The following KYAT3 variants were observed in gnomAD, a reference collection of about 807,000 sequenced individuals.
KYAT3 encodes kynurenine--oxoglutarate transaminase 3.
KYAT3 carries 50 observed loss-of-function variants against 59.0 expected under a neutral mutation model. The ratio of observed to expected loss-of-function variants is 0.85; its 90% CI spans 0.68 to 1.07. The LOEUF (loss-of-function observed/expected upper bound fraction) is 1.07, where lower values mean the gene tolerates loss of function less well. Ranked by LOEUF, KYAT3 falls within the 50% of genes least tolerant of loss-of-function variation. KYAT3 has a pLI of 0.00. For missense variants in KYAT3, 497 were observed against 533.3 expected, an observed-to-expected ratio of 0.93 and a Z score of 0.67; for synonymous variants, 148 against 177.0, an observed-to-expected ratio of 0.84 and a Z score of 1.30.
At chr1:88,992,425 G>A (rs944711905) in intron 1 of KYAT3, among the ~76,000 whole-genome samples, 160 bp downstream of exon 1, 1 of 152,230 alleles carries the variant, frequency 6.6e-6, no homozygotes, top group Non-Finnish European at 1.5e-5. Context: ...CCCTCAAACT[G>A]CTAATCTAGG....
chr1:88,921,383 T>G, the KYAT3 span, among the ~76,000 whole-genome samples: 2 of 152,248 alleles, frequency 1.3e-5, no homozygotes, highest in African/African-American at 4.8e-5. Flanking sequence ...TACTTTGGTT[T>G]TTTTAGCCTT....
intron 2 of KYAT3, among the ~76,000 whole-genome samples, chr1:88,978,814 AT>A (rs34692926): frequency 0.47 from 67,976 of 146,086 alleles, 16,537 homozygotes; most frequent in South Asian, 0.69. Context: ...CCCGGCCTTA[AT>A]TTTTTTTTTT....
chr1:88,943,032 C>T lies in KYAT3; in HGVS notation c.1275G>A (p.Glu425=), dbSNP rs1167304122. ...TAATGAAGCAAAAACGCACAAACTT[C>T]TCAAACTGTGATTTAGTCTCTGAGT... ...FCNSETKSQF[E]KFVRFCFIKK... Residue 425 remains glutamate (E), a synonymous_variant, in exon 13 of 14, where the codon GAG becomes GAA. Coordinates refer to ENST00000260508, the MANE Select transcript of KYAT3 (RefSeq NM_001008661.3). 2.1e-5 allele frequency: 34 copies of T among 1,613,190 alleles called. No individual in the cohort carries two copies. Among genetic ancestry groups the T allele is most frequent in the Non-Finnish European group, 2.9e-5 (34 of 1,179,654 alleles).
intron 1 of KYAT3, among the ~76,000 whole-genome samples, chr1:88,990,693 A>AT (rs1381021429): frequency 6.6e-6 from 1 of 152,150 alleles, no homozygotes; most frequent in Non-Finnish European, 1.5e-5. Flanking sequence ...AGGTAATCTC[A>AT]TTGTGTAAGG....
At chr1:88,973,041 A>G (rs1367013497) in intron 2 of KYAT3, among the ~76,000 whole-genome samples, 1 of 152,218 alleles carries the variant, frequency 6.6e-6, no homozygotes, top group African/African-American at 2.4e-5. Context: ...GTGAACCCTA[A>G]TCCAATATGA....
chr1:88,952,824 T>G lies in KYAT3; in HGVS notation c.954+239A>C, dbSNP rs1675737050. Among the ~76,000 whole-genome samples, 3 of 152,198 alleles carry G rather than the reference T, an allele frequency of 2.0e-5. 1 individual carries two copies. In the South Asian group the frequency reaches 6.2e-4, roughly 31 times the overall value. On this transcript the variant is annotated intron_variant, in intron 10 of 13. Coordinates refer to ENST00000260508, the MANE Select transcript of KYAT3 (RefSeq NM_001008661.3). ...GGTGTTGCCATTGTCCTTCACAGAA[T>G]TTGTAGCACTTTAGATTCCTGCCAG... is the stretch of plus-strand genomic sequence containing the variant.
chr1:88,955,050 GCCA>G (rs1675850811), intron 9 of KYAT3, 96 bp downstream of exon 9: 1 of 779,108 alleles, frequency 1.3e-6, no homozygotes, highest in Non-Finnish European at 2.2e-6. Flanking sequence ...ACAGGCATGA[GCCA>G]CCATGCCTGG....
chr1:88,933,008 T>C (rs139713830), downstream of KYAT3, among the ~76,000 whole-genome samples: 2 of 152,264 alleles, frequency 1.3e-5, no homozygotes, highest in East Asian at 3.9e-4. Flanking sequence ...TTGCACTGTC[T>C]ATTCCTTCTG....
intron 10 of KYAT3, among the ~76,000 whole-genome samples, chr1:88,950,395 T>A (rs1227237278): frequency 1.3e-5 from 2 of 152,222 alleles, no homozygotes; most frequent in African/African-American, 4.8e-5. Context: ...AATCTGTGGT[T>A]TCCTGGAACC....
At position 88,975,342 on chromosome 1, in the gene KYAT3, T is replaced by A. The variant is rs377725233; in HGVS notation, c.100-5875A>T. 6.5e-3 allele frequency among the ~76,000 whole-genome samples: 989 copies of A among 152,252 alleles called. 6 individuals carry two copies. The highest frequency in any genetic ancestry group is 0.01 in the Middle Eastern group (3 of 294). On this transcript the variant is annotated intron_variant, in intron 2 of 13. Coordinates refer to ENST00000260508, the MANE Select transcript of KYAT3 (RefSeq NM_001008661.3). ...AATTTTTTGTATTTTTAGGAGAGAC[T>A]GGGTTTCACCACGTTAGCCAGGATG... is the stretch of plus-strand genomic sequence containing the variant.
the KYAT3 span, among the ~76,000 whole-genome samples, chr1:88,929,178 T>G: frequency 6.6e-6 from 1 of 151,992 alleles, no homozygotes; most frequent in Non-Finnish European, 1.5e-5. Flanking sequence ...TCCAAAAGAT[T>G]GTTAAAGACC....
chr1:88,971,445 C>G (rs1676553170), intron 2 of KYAT3, among the ~76,000 whole-genome samples: 1 of 152,036 alleles, frequency 6.6e-6, no homozygotes, highest in Non-Finnish European at 1.5e-5. Flanking sequence ...AATGCTCTTT[C>G]TATACCAATG....
chr1:88,935,860 A>G lies in KYAT3; in HGVS notation c.*323T>C. ...AATTCTCAGAAACGACCTTCATATG[A>G]AACAGGTACTGATTTTATTCCTATT... On this transcript the variant is annotated 3_prime_UTR_variant, in exon 14 of 14. Coordinates refer to ENST00000260508, the MANE Select transcript of KYAT3 (RefSeq NM_001008661.3). 1 of 410,528 alleles carries G rather than the reference A, an allele frequency of 2.4e-6. No homozygotes were observed. Among genetic ancestry groups the G allele is most frequent in the Admixed American group, 4.0e-5 (1 of 24,746 alleles). The allele number at this position is 410,528 out of a possible 1,614,324, so 25.4% of individuals were successfully genotyped here.
At chr1:88,927,129 A>G in the KYAT3 span, among the ~76,000 whole-genome samples, 1 of 152,148 alleles carries the variant, frequency 6.6e-6, no homozygotes, top group African/African-American at 2.4e-5. Context: ...AAACATTAGG[A>G]CCATAGAGGA....
chr1:88,940,271 C>T (rs1675187237), intron 13 of KYAT3, among the ~76,000 whole-genome samples: 1 of 151,994 alleles, frequency 6.6e-6, no homozygotes, highest in Non-Finnish European at 1.5e-5. Context: ...GGGGTTTCAC[C>T]ATGTTGGCCA....
chr1:88,952,061 A>T (rs928821616), intron 10 of KYAT3, among the ~76,000 whole-genome samples: 1 of 152,206 alleles, frequency 6.6e-6, no homozygotes, highest in African/African-American at 2.4e-5. Flanking sequence ...CAGCACCTTG[A>T]TTTTAGCCCT....
intron 11 of KYAT3, among the ~76,000 whole-genome samples, chr1:88,944,952 T>C (rs1675380130): frequency 6.6e-6 from 1 of 152,172 alleles, no homozygotes; most frequent in Non-Finnish European, 1.5e-5. Context: ...CAAGCAATTA[T>C]CCTGCCTTAG....
intron 1 of KYAT3, among the ~76,000 whole-genome samples, chr1:88,991,238 A>C (rs1015557009): frequency 1.3e-5 from 2 of 152,260 alleles, no homozygotes; most frequent in African/African-American, 4.8e-5. Context: ...AAGGCAGACA[A>C]GCCCGTCAAA....
chr1:88,982,063 C>T, intron 2 of KYAT3: 1 of 985,100 alleles, frequency 1.0e-6, no homozygotes, highest in Non-Finnish European at 1.2e-6. Flanking sequence ...CTTGCAGATT[C>T]CCAAGGAAAT....
Sources: gnomAD v4.1 joint callset for allele counts (sites outside exome capture counted in the v4.1 genomes callset) on GRCh38, gnomAD v4.1.1 for gene constraint, MANE v1.5 for transcripts, NCBI Gene and HGNC (gene_info 2026-07-23, HGNC 2026-07-21) for gene names.